Variants in NEK6 observed in about 807,000 individuals in gnomAD.
NEK6 encodes the protein serine/threonine-protein kinase Nek6.
Under a neutral mutation model 43.5 loss-of-function variants are expected in NEK6, and 27 were observed. The observed-to-expected ratio is 0.62, with a 90% confidence interval of 0.46 to 0.86. The LOEUF is 0.86. Ranked by LOEUF, NEK6 falls within the 40% of genes least tolerant of loss-of-function variation. The pLI is 0.00. For synonymous variants in NEK6, 167 were observed against 164.1 expected (o/e 1.02, Z -0.14); for missense variants, 318 against 414.4 (o/e 0.77, Z 2.02).
At position 124,326,202 on chromosome 9, in the gene NEK6, T is replaced by TTCCCC; in HGVS notation, c.406-128_406-127insTCCCC. ...GCTTATTGTTTGCTCAGTGGCTCAATCCCCCCCCCCCGCCCCTGCCAGGCA... is the reference window on the plus strand; with the variant it reads ...GCTTATTGTTTGCTCAGTGGCTCAATTCCCCCCCCCCCCCCCGCCCCTGCCAGGCA... On this transcript the variant is annotated intron_variant, in intron 5 of 9. Transcript: ENST00000320246. The surrounding 1 kb of genome is among the most constrained non-coding windows in gnomAD (Gnocchi z 4.5). 2.1e-4 allele frequency: 26 copies of TTCCCC among 124,048 alleles called. No homozygotes were observed. Among genetic ancestry groups the TTCCCC allele is most frequent in the South Asian group, 4.6e-4 (7 of 15,358 alleles). The allele number at this position is 124,048 out of a possible 1,614,324, so 7.7% of individuals were successfully genotyped here. A position where few individuals can be genotyped will look rare whatever the true frequency, so the allele number is the denominator to read the frequency against.
chr9:124,330,554 G>A lies in NEK6; in HGVS notation c.622+3109G>A, dbSNP rs565875667. ...CATGCAGGGCCCGTGCTGCCTCTTG[G>A]GGGCTGGGAGAGCAAGTCTAGTTGG... On this transcript the variant is annotated intron_variant, in intron 7 of 9. Transcript: ENST00000320246. 1.1e-4 allele frequency among the ~76,000 whole-genome samples: 16 copies of A among 152,368 alleles called. No homozygotes were observed. The South Asian group carries it at 2.9e-3, about 28-fold the overall frequency.
intron 1 of NEK6, among the ~76,000 whole-genome samples, chr9:124,272,622 T>C (rs1265158607): frequency 6.6e-6 from 1 of 152,192 alleles, no homozygotes; most frequent in African/African-American, 2.4e-5. Context: ...AGAAATCAGT[T>C]TTTCCAGTTG....
chr9:124,347,877 T>C (rs1588554899), intron 9 of NEK6, 55 bp downstream of exon 9: 1 of 1,051,902 alleles, frequency 9.5e-7, no homozygotes, highest in East Asian at 2.4e-5. Context: ...CCGAGGCTTA[T>C]GAGGGCCGCT....
chr9:124,278,853 C>T (rs142788801), intron 1 of NEK6, among the ~76,000 whole-genome samples: 34 of 152,306 alleles, frequency 2.2e-4, no homozygotes, highest in Non-Finnish European at 3.2e-4. Context: ...TCACCTAGAG[C>T]ACCCGTCCCA....
intron 5 of NEK6, among the ~76,000 whole-genome samples, chr9:124,322,674 C>G (rs1048724639): frequency 6.6e-6 from 1 of 152,232 alleles, no homozygotes. Flanking sequence ...GGCCCCATCA[C>G]CTCTCTACCC....
chr9:124,296,628 G>A (rs937024290), intron 1 of NEK6, among the ~76,000 whole-genome samples: 2 of 152,228 alleles, frequency 1.3e-5, no homozygotes, highest in Non-Finnish European at 2.9e-5. Flanking sequence ...GTAAGATCCA[G>A]TATATGAATG....
Position 124,301,947 on chromosome 9 carries a change from G to A in NEK6, c.-18G>A, listed in dbSNP as rs754092981. On this transcript the variant is annotated 5_prime_UTR_variant, in exon 2 of 10. The change creates a new upstream start codon in the 5' untranslated region. Coordinates refer to ENST00000320246, the MANE Select transcript of NEK6 (RefSeq NM_014397.6). The stretch of plus-strand genomic sequence containing the variant: ...GTTTTCTGTTGCAGTTCGTGCCCTC[G>A]TGAGGCTGGCATGCAGGATGGCAGG... 7.6e-6 allele frequency: 12 copies of A among 1,585,094 alleles called. No homozygotes were observed. The highest frequency in any genetic ancestry group is 3.4e-5 in the South Asian group (3 of 86,986).
intron 1 of NEK6, among the ~76,000 whole-genome samples, chr9:124,287,519 C>T (rs964801316): frequency 6.6e-6 from 1 of 152,198 alleles, no homozygotes; most frequent in Admixed American, 6.5e-5. Context: ...AAAAGTCACT[C>T]TGTAGACCAT....
chr9:124,334,446 G>T lies in NEK6; in HGVS notation c.623-5125G>T, dbSNP rs200964514. On this transcript the variant is annotated intron_variant, in intron 7 of 9. Coordinates refer to ENST00000320246, the MANE Select transcript of NEK6 (RefSeq NM_014397.6). ...AGTGGAAATGGGGTAAGCAGAGAGA[G>T]CAGTGAGGTGGCAGAGGAATGAGGT... is the stretch of plus-strand genomic sequence containing the variant. 5.2e-5 allele frequency among the ~76,000 whole-genome samples: 8 copies of T among 152,384 alleles called. No individual in the cohort carries two copies. In the East Asian group the frequency reaches 1.3e-3, roughly 26 times the overall value.
At chr9:124,334,384 A>G (rs1829182879) in intron 7 of NEK6, among the ~76,000 whole-genome samples, 2 of 152,220 alleles carry the variant, frequency 1.3e-5, no homozygotes, top group Admixed American at 1.3e-4. Context: ...AGAAAGCTCC[A>G]AATTGCATTT....
intron 1 of NEK6, chr9:124,292,598 T>A: frequency 1.3e-6 from 2 of 1,531,358 alleles, no homozygotes; most frequent in African/African-American, 2.7e-5. Flanking sequence ...ACTTGGTCCT[T>A]CTTCCACTGT....
intron 1 of NEK6, chr9:124,292,626 G>C: frequency 1.4e-6 from 2 of 1,481,200 alleles, no homozygotes; most frequent in Non-Finnish European, 9.1e-7. Flanking sequence ...CAGGGTAGTA[G>C]CTGCGGTTCT....
At chr9:124,261,664 C>A in intron 1 of NEK6, 1 of 838,640 alleles carries the variant, frequency 1.2e-6, no homozygotes, top group Non-Finnish European at 1.4e-6. Flanking sequence ...ACGGCTTCTA[C>A]TACATGTGCT....
At chr9:124,283,966 C>G (rs1327030065) in intron 1 of NEK6, among the ~76,000 whole-genome samples, 1 of 152,246 alleles carries the variant, frequency 6.6e-6, no homozygotes, top group African/African-American at 2.4e-5. Context: ...TGGTGCCCAG[C>G]ACTTGTGTGT....
In NEK6 at chr9:124,351,183, C is replaced by A; in HGVS notation, c.*236C>A. 1 of 451,758 alleles carries A rather than the reference C, an allele frequency of 2.2e-6. No individual in the cohort carries two copies. The allele number at this position is 451,758 out of a possible 1,614,324, so 28.0% of individuals were successfully genotyped here. The stretch of plus-strand genomic sequence containing the variant: ...AGTCCTTTCTTTATACTGTTGTGGA[C>A]AATCTCAGCTGGGTCAATAAGGGCA... On this transcript the variant is annotated 3_prime_UTR_variant, in exon 10 of 10. Transcript: ENST00000320246.
chr9:124,257,996 C>A lies in NEK6; in HGVS notation c.-119C>A. 1 of 978,626 alleles carries A rather than the reference C, an allele frequency of 1.0e-6. No individual in the cohort carries two copies. The highest frequency in any genetic ancestry group is 1.2e-6 in the Non-Finnish European group (1 of 827,402). 60.6% of individuals were successfully genotyped at this position (978,626 alleles called of 1,614,324 possible). A position where few individuals can be genotyped will look rare whatever the true frequency, so the allele number is the denominator to read the frequency against. ...CGAGCTGACGGGCGTGCGGCCGCTGCGCCGCAAACTCGTGTGGGACGCACC... is the reference window on the plus strand; with the variant it reads ...CGAGCTGACGGGCGTGCGGCCGCTGAGCCGCAAACTCGTGTGGGACGCACC... On this transcript the variant is annotated 5_prime_UTR_variant, in exon 1 of 10. Transcript: ENST00000320246.
intron 3 of NEK6, 44 bp downstream of exon 3, chr9:124,312,693 G>A: frequency 6.3e-7 from 1 of 1,584,190 alleles, no homozygotes; most frequent in East Asian, 2.3e-5. Flanking sequence ...CTCGGGAGGT[G>A]GTCTCTGCAT....
intron 8 of NEK6, among the ~76,000 whole-genome samples, chr9:124,340,697 T>A (rs1196263476): frequency 6.6e-6 from 1 of 152,204 alleles, no homozygotes; most frequent in Non-Finnish European, 1.5e-5. Flanking sequence ...GCTGACACAC[T>A]GAAAGAACTT....
At chr9:124,261,751 A>G (rs922349177) in intron 1 of NEK6, among the ~76,000 whole-genome samples, 1 of 152,162 alleles carries the variant, frequency 6.6e-6, no homozygotes, top group African/African-American at 2.4e-5. Context: ...TTCGGTGTTG[A>G]AAGGAAAAGG....
Sources: gnomAD v4.1 joint callset for allele counts (sites outside exome capture counted in the v4.1 genomes callset) on GRCh38, gnomAD v4.1.1 for gene constraint, Gnocchi (gnomAD v3.1) non-coding constraint, MANE v1.5 for transcripts, NCBI Gene and HGNC (gene_info 2026-07-23, HGNC 2026-07-21) for gene names.